ACCSL: variants seen among roughly 807,000 people sequenced by gnomAD.
The protein encoded by ACCSL is probable inactive 1-aminocyclopropane-1-carboxylate synthase-like protein 2.
In ACCSL, 55 loss-of-function variants were observed where a neutral mutation model predicts 61.7. The observed-to-expected ratio is 0.89, with a 90% confidence interval of 0.72 to 1.12. The LOEUF (loss-of-function observed/expected upper bound fraction) is 1.12. ACCSL is among the 50% of genes most tolerant of loss of function. ACCSL has a pLI of 0.00. For missense variants in ACCSL, 632 were observed against 698.0 expected (o/e 0.91, Z 1.07); for synonymous variants, 258 against 264.3 (o/e 0.98, Z 0.23).
chr11:43,965,534 A>T, the ACCSL span, among the ~76,000 whole-genome samples: 2 of 152,232 alleles, frequency 1.3e-5, no homozygotes, highest in Admixed American at 1.3e-4. Context: ...CCTCAAATTG[A>T]TCTATAGATT....
chr11:44,024,902 T>C, the ACCSL span, among the ~76,000 whole-genome samples: 1 of 152,240 alleles, frequency 6.6e-6, no homozygotes, highest in Non-Finnish European at 1.5e-5. Flanking sequence ...GTTATGTTTT[T>C]ATGATATATT....
chr11:43,946,633 C>A, the ACCSL span, among the ~76,000 whole-genome samples: 1 of 152,172 alleles, frequency 6.6e-6, no homozygotes, highest in East Asian at 1.9e-4. Context: ...TATCAGTATG[C>A]ATCGATCCAC....
chr11:43,948,224 G>A, the ACCSL span, among the ~76,000 whole-genome samples: 2 of 152,208 alleles, frequency 1.3e-5, no homozygotes, highest in East Asian at 3.8e-4. Context: ...GGGAATTGAG[G>A]TCAGCTATGG....
chr11:44,009,511 A>G, the ACCSL span, among the ~76,000 whole-genome samples: 1 of 152,168 alleles, frequency 6.6e-6, no homozygotes. Flanking sequence ...CACGCCCATA[A>G]TCCCAACACT....
chr11:43,948,053 G>A, the ACCSL span, among the ~76,000 whole-genome samples: 6 of 152,310 alleles, frequency 3.9e-5, no homozygotes, highest in East Asian at 1.9e-4. Context: ...AGAGGTAATA[G>A]GTGGCCATCC....
At chr11:43,953,990 T>C in the ACCSL span, among the ~76,000 whole-genome samples, 1 of 152,162 alleles carries the variant, frequency 6.6e-6, no homozygotes, top group African/African-American at 2.4e-5. Flanking sequence ...TTCGGTAACC[T>C]GTCCACAGCT....
At chr11:44,014,562 G>A in the ACCSL span, among the ~76,000 whole-genome samples, 1 of 150,258 alleles carries the variant, frequency 6.7e-6, no homozygotes, top group South Asian at 2.1e-4. Flanking sequence ...AATCTCAGAA[G>A]GGACATACCA....
chr11:43,930,219 G>A, the ACCSL span, among the ~76,000 whole-genome samples: 9 of 152,304 alleles, frequency 5.9e-5, no homozygotes, highest in South Asian at 1.9e-3. Context: ...TAAGAAACCT[G>A]GCCTGTGTCC....
chr11:44,039,323 T>C, the ACCSL span, among the ~76,000 whole-genome samples: 1 of 152,020 alleles, frequency 6.6e-6, no homozygotes, highest in East Asian at 1.9e-4. Context: ...CACTCAGCCA[T>C]AAAAAAGGAA....
chr11:43,973,740 AATG>A, the ACCSL span: 11 of 152,166 alleles, frequency 7.2e-5, no homozygotes, highest in African/African-American at 2.7e-4. Context: ...CCACTTAAAG[AATG>A]ATGATTTGGG....
At position 44,059,860 on chromosome 11, in the gene ACCSL, G is replaced by C. The variant is rs1269495484; in HGVS notation, c.1647G>C (p.Val549=). The C allele has an allele frequency of 6.2e-7, 1 of 1,613,822 alleles. No individual in the cohort carries two copies. The highest frequency in any genetic ancestry group is 1.7e-5 in the Admixed American group (1 of 60,018). ...LKLAMRRFCD[V]LQEQKEALIV... ...TAGCTATGCGTCGGTTCTGTGATGT[G>C]CTGCAGGAGCAGAAGGAGGCTTTGA... Residue 549 remains valine, a synonymous_variant, in exon 14 of 14, where the codon GTG becomes GTC. Coordinates refer to ENST00000378832, the MANE Select transcript of ACCSL (RefSeq NM_001031854.2).
chr11:44,013,067 G>A, the ACCSL span, among the ~76,000 whole-genome samples: 1 of 152,158 alleles, frequency 6.6e-6, no homozygotes, highest in Admixed American at 6.5e-5. Context: ...GCACATGGCA[G>A]GTGCTCAAGA....
chr11:44,001,154 C>T, the ACCSL span: 3 of 152,204 alleles, frequency 2.0e-5, no homozygotes, highest in South Asian at 4.2e-4. Context: ...CCCTCATCTC[C>T]GGAAGCCTGC....
At chr11:43,962,127 T>C in the ACCSL span, among the ~76,000 whole-genome samples, 1 of 152,186 alleles carries the variant, frequency 6.6e-6, no homozygotes. Context: ...TCTGTCATTC[T>C]CTGAGTCAAC....
chr11:44,046,053 C>A (rs1952595364), upstream of ACCSL, among the ~76,000 whole-genome samples: 1 of 152,140 alleles, frequency 6.6e-6, no homozygotes, highest in African/African-American at 2.4e-5. Context: ...TCTCACCTGG[C>A]CCTTGCAATG....
chr11:43,968,872 G>C, the ACCSL span, among the ~76,000 whole-genome samples: 1 of 152,104 alleles, frequency 6.6e-6, no homozygotes, highest in Admixed American at 6.6e-5. Flanking sequence ...AATGACTCCT[G>C]TGTCTCGCAT....
upstream of ACCSL, among the ~76,000 whole-genome samples, chr11:44,047,707 G>C (rs1952607767): frequency 1.3e-5 from 2 of 152,204 alleles, no homozygotes; most frequent in Non-Finnish European, 2.9e-5. Flanking sequence ...GAAGTGCTCA[G>C]GTTGAAGAAC....
At chr11:43,923,773 G>A in the ACCSL span, among the ~76,000 whole-genome samples, 2 of 152,236 alleles carry the variant, frequency 1.3e-5, no homozygotes, top group African/African-American at 4.8e-5. Context: ...GCGGGAAGAG[G>A]AGGCAGTGTC....
At chr11:44,053,310 C>G (rs1391670822) in intron 7 of ACCSL, 96 bp from the exon 8 acceptor site, 10 of 1,231,550 alleles carry the variant, frequency 8.1e-6, no homozygotes, top group African/African-American at 4.5e-5. Flanking sequence ...CCTACCTAGG[C>G]CTTTTTGGGT....
Sources: gnomAD v4.1 joint callset for allele counts (sites outside exome capture counted in the v4.1 genomes callset) on GRCh38, gnomAD v4.1.1 for gene constraint, MANE v1.5 for transcripts, NCBI Gene and HGNC (gene_info 2026-07-23, HGNC 2026-07-21) for gene names.